Variants in PDE6D observed in about 807,000 individuals in gnomAD.
PDE6D encodes retinal rod rhodopsin-sensitive cGMP 3',5'-cyclic phosphodiesterase subunit delta.
PDE6D carries 10 observed loss-of-function variants against 21.9 expected under a neutral mutation model. The observed-to-expected ratio is 0.46, with a 90% CI of 0.28 to 0.78. The LOEUF is 0.78. PDE6D is among the 30% of genes least tolerant of loss of function. The pLI is 0.12. For synonymous variants in PDE6D, 59 were observed against 63.5 expected (o/e 0.93, Z 0.34); for missense variants, 139 against 184.8 (o/e 0.75, Z 1.44).
chr2:231,772,509 G>A (rs1372888572), intron 1 of PDE6D, among the ~76,000 whole-genome samples: 1 of 152,204 alleles, frequency 6.6e-6, no homozygotes, highest in African/African-American at 2.4e-5. Flanking sequence ...ACGCATTCAA[G>A]CAATTATTAG....
Position 231,739,886 on chromosome 2 carries a change from CCT to C in PDE6D, c.51-700_51-699del, listed in dbSNP as rs1408330929. Among the ~76,000 whole-genome samples, 1 of 152,118 alleles carries C rather than the reference CCT, an allele frequency of 6.6e-6. No homozygotes were observed. The highest frequency in any genetic ancestry group is 2.4e-5 in the African/African-American group (1 of 41,396). On this transcript the variant is annotated intron_variant, in intron 1 of 4. Coordinates refer to ENST00000287600, the MANE Select transcript of PDE6D (RefSeq NM_002601.4). This position sits in a 1 kb window ranked among gnomAD's most constrained non-coding sequence, Gnocchi z 4.2. ...ACCTCAAGTGATCTGTCTGCCTCAG[CCT>C]CTGAGTGCCCTGTTTTTAAATATGA...
chr2:231,773,301 C>T (rs1244172487), intron 1 of PDE6D, among the ~76,000 whole-genome samples: 1 of 152,182 alleles, frequency 6.6e-6, no homozygotes, highest in African/African-American at 2.4e-5. Context: ...GATAACAATA[C>T]AAACTCTCAA....
intron 1 of PDE6D, among the ~76,000 whole-genome samples, chr2:231,780,352 T>A (rs569027196): frequency 2.7e-4 from 41 of 152,190 alleles, no homozygotes; most frequent in African/African-American, 9.6e-4. Context: ...AAGCCTATGG[T>A]CCTCATCTTG....
chr2:231,738,094 C>G lies in PDE6D; in HGVS notation c.184G>C (p.Glu62Gln). The change falls in exon 3 of 5, where the codon GAA becomes CAA. Residue 62 changes from glutamate to glutamine, a missense_variant. Physicochemically the swap from Glu to Gln is conservative, Grantham distance 29. Transcript: ENST00000287600. ...KILKCKAVSR[E>Q]LNFSSTEQME... ...TGTTCTGTCGAAGAAAAATTAAGTT[C>G]TCGAGACACTGCCTTGCACTTGAGG... The G allele has an allele frequency of 6.2e-7, 1 of 1,613,882 alleles. No individual in the cohort carries two copies. The highest frequency in any genetic ancestry group is 8.5e-7 in the Non-Finnish European group (1 of 1,179,834).
intron 1 of PDE6D, among the ~76,000 whole-genome samples, chr2:231,766,553 T>A (rs2048972200): frequency 6.6e-6 from 1 of 152,200 alleles, no homozygotes; most frequent in Non-Finnish European, 1.5e-5. Context: ...AAAGGGCCAC[T>A]GTTTCTTTCA....
chr2:231,764,608 A>T (rs2048955651), intron 1 of PDE6D, among the ~76,000 whole-genome samples: 1 of 152,204 alleles, frequency 6.6e-6, no homozygotes, highest in African/African-American at 2.4e-5. Flanking sequence ...AAATTGCTAT[A>T]TGCCTCAGGT....
chr2:231,738,799 C>T (rs866424555), intron 2 of PDE6D, among the ~76,000 whole-genome samples: 12 of 151,714 alleles, frequency 7.9e-5, no homozygotes, highest in Middle Eastern at 3.4e-3. Context: ...GCCTGTAGTC[C>T]CAGCTACTCG....
intron 1 of PDE6D, among the ~76,000 whole-genome samples, chr2:231,765,013 C>CA (rs939215862): frequency 4.0e-5 from 6 of 151,420 alleles, no homozygotes; most frequent in African/African-American, 1.5e-4. Flanking sequence ...GTAATACCAA[C>CA]ACTTTGGGAG....
intron 1 of PDE6D, 43 bp downstream of exon 1, chr2:231,781,022 C>T (rs779175971): frequency 2.1e-4 from 335 of 1,568,526 alleles, no homozygotes; most frequent in Non-Finnish European, 2.7e-4. Context: ...TGAGCGGCCG[C>T]CTCCCAAGTC....
intron 1 of PDE6D, among the ~76,000 whole-genome samples, chr2:231,778,403 CT>C (rs1355704113): frequency 1.3e-5 from 2 of 152,030 alleles, no homozygotes; most frequent in African/African-American, 4.8e-5. Context: ...TAAAGAACAT[CT>C]ACAAATAAGA....
intron 1 of PDE6D, among the ~76,000 whole-genome samples, chr2:231,777,139 T>C (rs1184129186): frequency 1.3e-5 from 2 of 152,216 alleles, no homozygotes; most frequent in Admixed American, 6.5e-5. Context: ...ATGGTGCTCT[T>C]TTTGTAGTGA....
At chr2:231,768,278 C>T (rs764997361) in intron 1 of PDE6D, among the ~76,000 whole-genome samples, 2 of 152,160 alleles carry the variant, frequency 1.3e-5, no homozygotes, top group Non-Finnish European at 2.9e-5. Context: ...CTTCCTCATT[C>T]CTGACTCCAA....
chr2:231,766,695 T>C (rs141090348), intron 1 of PDE6D, among the ~76,000 whole-genome samples: 144 of 152,104 alleles, frequency 9.5e-4, no homozygotes, highest in African/African-American at 3.3e-3. Context: ...TTATAACTCT[T>C]AAAAAAATGA....
intron 1 of PDE6D, among the ~76,000 whole-genome samples, chr2:231,769,541 C>G (rs190037395): frequency 7.9e-5 from 12 of 151,870 alleles, no homozygotes; most frequent in South Asian, 2.1e-4. Flanking sequence ...CACACACACA[C>G]AGAGATATGT....
intron 1 of PDE6D, among the ~76,000 whole-genome samples, chr2:231,748,936 G>A (rs897558886): frequency 6.6e-6 from 1 of 152,228 alleles, no homozygotes; most frequent in Non-Finnish European, 1.5e-5. Context: ...GGAAATGCCT[G>A]GATGCCCAGA....
intron 1 of PDE6D, among the ~76,000 whole-genome samples, chr2:231,780,274 T>A (rs940463892): frequency 6.6e-6 from 1 of 152,118 alleles, no homozygotes; most frequent in African/African-American, 2.4e-5. Context: ...CAGCTAGGCA[T>A]AACCGCACCG....
intron 1 of PDE6D, among the ~76,000 whole-genome samples, chr2:231,743,086 A>G (rs995902253): frequency 9.9e-5 from 15 of 152,154 alleles, no homozygotes; most frequent in African/African-American, 7.2e-5. Flanking sequence ...TAATAACACT[A>G]TATTTTACCC....
intron 1 of PDE6D, 71 bp downstream of exon 1, chr2:231,780,994 C>T: frequency 7.2e-7 from 1 of 1,383,088 alleles, no homozygotes; most frequent in Non-Finnish European, 1.0e-6. Context: ...GGCCCCCGCC[C>T]CCGGCCAGTC....
intron 1 of PDE6D, among the ~76,000 whole-genome samples, chr2:231,767,130 G>C (rs968387778): frequency 4.0e-5 from 6 of 151,350 alleles, no homozygotes; most frequent in African/African-American, 1.5e-4. Context: ...CACAGGTATC[G>C]AAGCTAAAGT....
Sources: gnomAD v4.1 joint callset for allele counts (sites outside exome capture counted in the v4.1 genomes callset) on GRCh38, gnomAD v4.1.1 for gene constraint, Gnocchi (gnomAD v3.1) non-coding constraint, MANE v1.5 for transcripts, NCBI Gene and HGNC (gene_info 2026-07-23, HGNC 2026-07-21) for gene names.